The following LHX6 variants were observed in gnomAD, a reference collection of about 807,000 sequenced individuals.
The protein encoded by LHX6 is LIM homeobox 6, also known as LIM/homeobox protein Lhx6.
LHX6 carries 15 observed loss-of-function variants against 47.1 expected under a neutral mutation model. The ratio of observed to expected loss-of-function variants is 0.32; its 90% CI spans 0.21 to 0.49. The LOEUF is 0.49. Ranked by LOEUF, LHX6 falls within the 20% of genes least tolerant of loss-of-function variation. The pLI, the probability that LHX6 is intolerant of heterozygous loss-of-function variation, is 0.99. For synonymous variants in LHX6, 242 were observed against 233.5 expected (o/e 1.04, Z -0.33); for missense variants, 404 against 539.6 (o/e 0.75, Z 2.49).
chr9:122,213,837 G>A lies in LHX6; in HGVS notation c.880-57C>T. 1 of 1,539,298 alleles carries A rather than the reference G, an allele frequency of 6.5e-7. No individual in the cohort carries two copies. Among genetic ancestry groups the A allele is most frequent in the Admixed American group, 2.0e-5 (1 of 51,122 alleles). Reference sequence around the variant, plus strand: ...GAGGAAAAGAGTCGGACGCGCCGCCGGGAGACCCCAGGCGGGACTGCCTCG... The same window carrying A: ...GAGGAAAAGAGTCGGACGCGCCGCCAGGAGACCCCAGGCGGGACTGCCTCG... On this transcript the variant is annotated intron_variant, in intron 7 of 9. Coordinates refer to ENST00000394319, the MANE Select transcript of LHX6 (RefSeq NM_014368.5). This position sits in a 1 kb window ranked among gnomAD's most constrained non-coding sequence, Gnocchi z 5.5.
chr9:122,227,125 A>G, intron 2 of LHX6, 95 bp from the exon 3 acceptor site: 1 of 1,180,498 alleles, frequency 8.5e-7, no homozygotes, highest in Non-Finnish European at 1.2e-6. Context: ...GCACCAATTG[A>G]CAACGAAATC....
At position 122,226,082 on chromosome 9, in the gene LHX6, T is replaced by G. The variant is rs1831084239; in HGVS notation, c.461+294A>C. ...CCACCGAGGCGCTCGAGGTCAGAAC[T>G]GAAGCCTGAGACTTAGGCAGGACCC... is the stretch of plus-strand genomic sequence containing the variant. On this transcript the variant is annotated intron_variant, in intron 4 of 9. Coordinates refer to ENST00000394319, the MANE Select transcript of LHX6 (RefSeq NM_014368.5). The surrounding 1 kb of genome is among the most constrained non-coding windows in gnomAD (Gnocchi z 6.5). 6.6e-6 allele frequency among the ~76,000 whole-genome samples: 1 copy of G among 152,064 alleles called. No homozygotes were observed. The highest frequency in any genetic ancestry group is 2.4e-5 in the African/African-American group (1 of 41,418).
chr9:122,221,569 AC>A lies in LHX6; in HGVS notation c.462-4282del, dbSNP rs986499694. 3 of 984,392 alleles carry A rather than the reference AC, an allele frequency of 3.0e-6. No individual in the cohort carries two copies. In the African/African-American group the frequency reaches 5.3e-5, roughly 17 times the overall value. 61.0% of individuals were successfully genotyped at this position (984,392 alleles called of 1,614,324 possible). A position where few individuals can be genotyped will look rare whatever the true frequency, so the allele number is the denominator to read the frequency against. On this transcript the variant is annotated intron_variant, in intron 4 of 9. Transcript: ENST00000394319. ...CCTCCAGGGCACTCACTGAACCCCC[AC>A]CCCCATAAACACGAGGGGAAGCAGT...
Position 122,226,244 on chromosome 9 carries a change from C to T in LHX6, c.461+132G>A, listed in dbSNP as rs1831091754. The T allele has an allele frequency of 8.1e-7, 1 of 1,232,522 alleles. No individual in the cohort carries two copies. Among genetic ancestry groups the T allele is most frequent in the Non-Finnish European group, 1.1e-6 (1 of 909,196 alleles). 76.3% of individuals were successfully genotyped at this position (1,232,522 alleles called of 1,614,324 possible). A position where few individuals can be genotyped will look rare whatever the true frequency, so the allele number is the denominator to read the frequency against. The stretch of plus-strand genomic sequence containing the variant: ...GCCGCTGAGCGCCGGCAGGTTGGAC[C>T]AGCGCTGCGCGCCGGAAGTGCACTC... On this transcript the variant is annotated intron_variant, in intron 4 of 9. Transcript: ENST00000394319. This position sits in a 1 kb window ranked among gnomAD's most constrained non-coding sequence, Gnocchi z 6.5.
chr9:122,208,427 A>G (rs1292278122), intron 9 of LHX6, among the ~76,000 whole-genome samples: 1 of 152,168 alleles, frequency 6.6e-6, no homozygotes, highest in African/African-American at 2.4e-5. Flanking sequence ...GGCCTCCTCA[A>G]GGGTAGGGAC....
At chr9:122,223,374 T>A (rs1413859950) in intron 4 of LHX6, among the ~76,000 whole-genome samples, 1 of 152,210 alleles carries the variant, frequency 6.6e-6, no homozygotes, top group Non-Finnish European at 1.5e-5. Flanking sequence ...AATGGCCCAG[T>A]CCCATCCCTC....
chr9:122,228,807 G>T lies in LHX6; in HGVS notation c.-67C>A. On this transcript the variant is annotated 5_prime_UTR_variant, in exon 1 of 10. Transcript: ENST00000394319. The stretch of plus-strand genomic sequence containing the variant: ...AGCTGCGCCGAGGGGGACCACAGCC[G>T]CAGTGGGAGCAGAGGCTGCTGCAGG... 2.8e-6 allele frequency: 3 copies of T among 1,054,972 alleles called. No individual in the cohort carries two copies. The highest frequency in any genetic ancestry group is 3.6e-6 in the Non-Finnish European group (3 of 831,532). 65.4% of individuals were successfully genotyped at this position (1,054,972 alleles called of 1,614,324 possible). A position where few individuals can be genotyped will look rare whatever the true frequency, so the allele number is the denominator to read the frequency against.
intron 9 of LHX6, among the ~76,000 whole-genome samples, chr9:122,205,594 T>C (rs1231488687): frequency 6.6e-6 from 1 of 152,176 alleles, no homozygotes; most frequent in African/African-American, 2.4e-5. Flanking sequence ...TGGGCATGAC[T>C]ACATGGCTGT....
Position 122,226,068 on chromosome 9 carries a change from C to T in LHX6, c.461+308G>A, listed in dbSNP as rs1173182462. Reference sequence around the variant, plus strand: ...GGGACCTCAGAGCTCCACCGAGGCGCTCGAGGTCAGAACTGAAGCCTGAGA... The same window carrying T: ...GGGACCTCAGAGCTCCACCGAGGCGTTCGAGGTCAGAACTGAAGCCTGAGA... On this transcript the variant is annotated intron_variant, in intron 4 of 9. Transcript: ENST00000394319. The surrounding 1 kb of genome is among the most constrained non-coding windows in gnomAD (Gnocchi z 6.5). 6.6e-6 allele frequency among the ~76,000 whole-genome samples: 1 copy of T among 152,200 alleles called. No homozygotes were observed. Among genetic ancestry groups the T allele is most frequent in the Non-Finnish European group, 1.5e-5 (1 of 68,042 alleles).
chr9:122,226,832 C>A lies in LHX6; in HGVS notation c.339+16G>T. 6.4e-7 allele frequency: 1 copy of A among 1,557,616 alleles called. No homozygotes were observed. Among genetic ancestry groups the A allele is most frequent in the Admixed American group, 1.9e-5 (1 of 51,688 alleles). ...ACGCCCCGACAACACGCACGCAACACCTACCCCTGTCTCACCTTGAGCAGA... is the reference window on the plus strand; with the variant it reads ...ACGCCCCGACAACACGCACGCAACAACTACCCCTGTCTCACCTTGAGCAGA... On this transcript the variant is annotated intron_variant, in intron 3 of 9. Coordinates refer to ENST00000394319, the MANE Select transcript of LHX6 (RefSeq NM_014368.5). This position sits in a 1 kb window ranked among gnomAD's most constrained non-coding sequence, Gnocchi z 6.5.
chr9:122,213,952 G>GCCCCCCCC lies in LHX6; in HGVS notation c.879+21_879+22insGGGGGGGG. 1 of 1,461,944 alleles carries GCCCCCCCC rather than the reference G, an allele frequency of 6.8e-7. No homozygotes were observed. The highest frequency in any genetic ancestry group is 9.5e-7 in the Non-Finnish European group (1 of 1,055,342). The allele number at this position is 1,461,944 out of a possible 1,614,324, so 90.6% of individuals were successfully genotyped here. A position where few individuals can be genotyped will look rare whatever the true frequency, so the allele number is the denominator to read the frequency against. ...TCCGGGGCGTGCCCGCGGTCCCCAG[G>GCCCCCCCC]CCCCGCCCACCCCCGTCCCACCTGG... On this transcript the variant is annotated intron_variant, in intron 7 of 9. Transcript: ENST00000394319. This position sits in a 1 kb window ranked among gnomAD's most constrained non-coding sequence, Gnocchi z 5.5.
intron 1 of LHX6, chr9:122,228,120 G>A (rs1831187869): frequency 2.8e-6 from 1 of 363,204 alleles, no homozygotes; most frequent in Non-Finnish European, 5.2e-6. Flanking sequence ...CCGCCCGCCC[G>A]CCTGACACGC....
Position 122,226,565 on chromosome 9 carries a change from C to T in LHX6, c.340-68G>A, listed in dbSNP as rs1831110798. On this transcript the variant is annotated intron_variant, in intron 3 of 9. Coordinates refer to ENST00000394319, the MANE Select transcript of LHX6 (RefSeq NM_014368.5). The surrounding 1 kb of genome is among the most constrained non-coding windows in gnomAD (Gnocchi z 6.5). Reference sequence around the variant, plus strand: ...CTTTCACTCCGGGCCCCAGCCTTCCCGGTCTCATTTACAGTCAGAGGCGCT... The same window carrying T: ...CTTTCACTCCGGGCCCCAGCCTTCCTGGTCTCATTTACAGTCAGAGGCGCT... 1.3e-6 allele frequency: 2 copies of T among 1,570,282 alleles called. No homozygotes were observed. The highest frequency in any genetic ancestry group is 8.6e-7 in the Non-Finnish European group (1 of 1,165,100).
chr9:122,221,685 G>C, intron 4 of LHX6: 3 of 985,496 alleles, frequency 3.0e-6, no homozygotes, highest in Non-Finnish European at 3.6e-6. Flanking sequence ...CCATTCACAG[G>C]CCTCTGAGGT....
intron 4 of LHX6, among the ~76,000 whole-genome samples, chr9:122,218,280 C>T (rs1396152120): frequency 6.6e-6 from 1 of 152,166 alleles, no homozygotes; most frequent in Non-Finnish European, 1.5e-5. Context: ...TCACCTGTGA[C>T]TCTGTCCCAA....
At position 122,226,267 on chromosome 9, in the gene LHX6, C is replaced by T; in HGVS notation, c.461+109G>A. Reference sequence around the variant, plus strand: ...ACCAGCGCTGCGCGCCGGAAGTGCACTCGGGACGCCGGGGTTCTGGAGGAG... The same window carrying T: ...ACCAGCGCTGCGCGCCGGAAGTGCATTCGGGACGCCGGGGTTCTGGAGGAG... On this transcript the variant is annotated intron_variant, in intron 4 of 9. Coordinates refer to ENST00000394319, the MANE Select transcript of LHX6 (RefSeq NM_014368.5). The surrounding 1 kb of genome is among the most constrained non-coding windows in gnomAD (Gnocchi z 6.5). 7.1e-7 allele frequency: 1 copy of T among 1,407,774 alleles called. No homozygotes were observed. Among genetic ancestry groups the T allele is most frequent in the Non-Finnish European group, 9.5e-7 (1 of 1,052,918 alleles). The allele number at this position is 1,407,774 out of a possible 1,614,324, so 87.2% of individuals were successfully genotyped here. A position where few individuals can be genotyped will look rare whatever the true frequency, so the allele number is the denominator to read the frequency against.
chr9:122,210,473 C>G (rs1471684169), intron 8 of LHX6, among the ~76,000 whole-genome samples: 1 of 152,182 alleles, frequency 6.6e-6, no homozygotes, highest in Non-Finnish European at 1.5e-5. Context: ...TGTCACCTCT[C>G]TCTTTACGAC....
intron 1 of LHX6, 167 bp downstream of exon 1, chr9:122,228,490 C>CA (rs1831203834): frequency 2.3e-6 from 3 of 1,331,006 alleles, no homozygotes; most frequent in Non-Finnish European, 2.9e-6. Flanking sequence ...TCCGCGACCC[C>CA]CCCCCCCCGC....
chr9:122,222,920 C>T (rs990649720), intron 4 of LHX6, among the ~76,000 whole-genome samples: 1 of 152,206 alleles, frequency 6.6e-6, no homozygotes, highest in Non-Finnish European at 1.5e-5. Context: ...CTCCAGTCCA[C>T]ATCCTACCAG....
Sources: allele counts gnomAD v4.1 joint callset (sites outside exome capture counted in the v4.1 genomes callset), GRCh38; gene constraint gnomAD v4.1.1; non-coding constraint Gnocchi (gnomAD v3.1); transcripts MANE v1.5; gene names NCBI Gene and HGNC (gene_info 2026-07-23, HGNC 2026-07-21).